GPC6: variants seen among roughly 807,000 people sequenced by gnomAD.
The protein encoded by GPC6 is glypican-6.
GPC6 carries 14 observed loss-of-function variants against 55.2 expected under a neutral mutation model. The observed-to-expected ratio is 0.25, with a 90% CI of 0.17 to 0.40. GPC6 has a LOEUF of 0.40. Among genes scored for constraint, GPC6 ranks in the 10% least tolerant of loss-of-function variants. GPC6 has a pLI of 1.00. For synonymous variants in GPC6, 278 were observed against 259.6 expected (o/e 1.07, Z -0.68); for missense variants, 641 against 708.5 (o/e 0.90, Z 1.08).
intron 4 of GPC6, among the ~76,000 whole-genome samples, chr13:94,283,960 C>T (rs1322725590): frequency 6.6e-6 from 1 of 152,190 alleles, no homozygotes; most frequent in African/African-American, 2.4e-5. Context: ...CAACTACTGC[C>T]TTGATGTCGC....
At chr13:93,458,009 TTTA>T (rs1218334888) in intron 1 of GPC6, among the ~76,000 whole-genome samples, 3 of 152,204 alleles carry the variant, frequency 2.0e-5, no homozygotes, top group African/African-American at 7.2e-5. Flanking sequence ...AAGGTGCATC[TTTA>T]TGAGTAAAAG....
At chr13:93,596,140 G>A (rs973816972) in intron 2 of GPC6, among the ~76,000 whole-genome samples, 1 of 151,380 alleles carries the variant, frequency 6.6e-6, no homozygotes, top group South Asian at 2.1e-4. Context: ...AATCCTCAGA[G>A]CAGACCAGGG....
At chr13:93,335,606 C>T (rs1327640206) in intron 1 of GPC6, among the ~76,000 whole-genome samples, 1 of 152,164 alleles carries the variant, frequency 6.6e-6, no homozygotes, top group Non-Finnish European at 1.5e-5. Flanking sequence ...CAAATAGGTC[C>T]TCTGACCTCT....
intron 3 of GPC6, among the ~76,000 whole-genome samples, chr13:93,945,079 C>T (rs61964382): frequency 6.6e-6 from 1 of 151,920 alleles, no homozygotes; most frequent in Admixed American, 6.6e-5. Context: ...TTTCCTAATC[C>T]GTATTTCACA....
At chr13:94,095,413 G>C (rs927007076) in intron 4 of GPC6, among the ~76,000 whole-genome samples, 3 of 152,112 alleles carry the variant, frequency 2.0e-5, no homozygotes, top group Non-Finnish European at 1.5e-5. Flanking sequence ...AAATGTAAAA[G>C]AAGTAAGTTA....
intron 2 of GPC6, among the ~76,000 whole-genome samples, chr13:93,747,777 G>T (rs1409948992): frequency 6.6e-6 from 1 of 152,170 alleles, no homozygotes; most frequent in Non-Finnish European, 1.5e-5. Flanking sequence ...GATTAGATGT[G>T]TGACATGCAT....
At chr13:94,338,603 C>T (rs1388254092) in intron 6 of GPC6, among the ~76,000 whole-genome samples, 1 of 152,194 alleles carries the variant, frequency 6.6e-6, no homozygotes, top group Non-Finnish European at 1.5e-5. Context: ...TCTGAGAAAA[C>T]TGTACTGGTG....
At chr13:94,386,860 T>A (rs1164723933) in intron 7 of GPC6, among the ~76,000 whole-genome samples, 9 of 152,180 alleles carry the variant, frequency 5.9e-5, no homozygotes, top group Non-Finnish European at 1.5e-5. Context: ...AGGCTTGTCT[T>A]CCATCACCTT....
At chr13:93,944,313 C>A (rs1878891567) in intron 3 of GPC6, among the ~76,000 whole-genome samples, 1 of 152,068 alleles carries the variant, frequency 6.6e-6, no homozygotes, top group African/African-American at 2.4e-5. Flanking sequence ...ACGCCATTCT[C>A]CTGCCTCAGC....
intron 8 of GPC6, among the ~76,000 whole-genome samples, chr13:94,402,434 A>G (rs1305416278): frequency 6.6e-6 from 1 of 152,134 alleles, no homozygotes; most frequent in East Asian, 1.9e-4. Flanking sequence ...ATCAGTTGAT[A>G]TTGTTCTTCA....
intron 6 of GPC6, among the ~76,000 whole-genome samples, chr13:94,307,631 T>C (rs1421888994): frequency 1.3e-5 from 2 of 152,230 alleles, no homozygotes; most frequent in Admixed American, 1.3e-4. Context: ...CTATTCTCTA[T>C]TGCAGTTTCA....
chr13:94,279,389 AAC>A (rs1349679724), intron 4 of GPC6, among the ~76,000 whole-genome samples: 1 of 151,000 alleles, frequency 6.6e-6, no homozygotes, highest in Non-Finnish European at 1.5e-5. Context: ...AAAAAAAAAA[AAC>A]AGCTCCTGGA....
intron 2 of GPC6, among the ~76,000 whole-genome samples, chr13:93,740,716 G>T (rs1176256066): frequency 1.3e-5 from 2 of 152,154 alleles, no homozygotes; most frequent in Non-Finnish European, 2.9e-5. Flanking sequence ...AGATACATTA[G>T]ATGAATTTAA....
intron 2 of GPC6, among the ~76,000 whole-genome samples, chr13:93,777,321 G>A (rs1025239603): frequency 1.3e-5 from 2 of 151,976 alleles, no homozygotes; most frequent in South Asian, 2.1e-4. Context: ...CCTAACTCTT[G>A]TGCTTACTAG....
chr13:93,867,481 T>A (rs1889003515), intron 3 of GPC6, among the ~76,000 whole-genome samples: 1 of 151,766 alleles, frequency 6.6e-6, no homozygotes, highest in South Asian at 2.1e-4. Flanking sequence ...GCCTTCTGCA[T>A]AATTCATTGA....
chr13:94,188,661 T>C (rs1382760877), intron 4 of GPC6, among the ~76,000 whole-genome samples: 1 of 152,170 alleles, frequency 6.6e-6, no homozygotes, highest in Non-Finnish European at 1.5e-5. Flanking sequence ...TTTGTGGGAC[T>C]ATATCCATCC....
intron 1 of GPC6, among the ~76,000 whole-genome samples, chr13:93,228,071 C>T (rs1875869046): frequency 6.6e-6 from 1 of 152,152 alleles, no homozygotes; most frequent in African/African-American, 2.4e-5. Flanking sequence ...CGCCCTTGCG[C>T]CGGCAGGGGC....
chr13:93,724,565 T>G (rs1883562627), intron 2 of GPC6, among the ~76,000 whole-genome samples: 1 of 152,048 alleles, frequency 6.6e-6, no homozygotes, highest in Non-Finnish European at 1.5e-5. Context: ...TTTGCCATGA[T>G]CTCAAAGACA....
rs551206088 is a variant in GPC6 at position 93,441,484 on chromosome 13, A to G, written c.161-103779A>G. On this transcript the variant is annotated intron_variant, in intron 1 of 8. Transcript: ENST00000377047. ...TTTTTCATGTGTTTTGGCTGCATAA[A>G]TGTCTTCTTTTGAGAAGTCTCTGTT... Among the ~76,000 whole-genome samples, 120 of 152,286 alleles carry G rather than the reference A, an allele frequency of 7.9e-4. 2 individuals are homozygous for G. Among genetic ancestry groups the G allele is most frequent in the African/African-American group, 2.6e-3 (110 of 41,538 alleles).
Sources: allele counts gnomAD v4.1 joint callset (sites outside exome capture counted in the v4.1 genomes callset), GRCh38; gene constraint gnomAD v4.1.1; transcripts MANE v1.5; gene names NCBI Gene and HGNC (gene_info 2026-07-23, HGNC 2026-07-21).